Variants in FERMT1 observed in about 807,000 individuals in gnomAD.
FERMT1 encodes fermitin family homolog 1.
In FERMT1, 60 loss-of-function variants were observed where a neutral mutation model predicts 85.3. The ratio of observed to expected loss-of-function variants is 0.70; its 90% confidence interval spans 0.57 to 0.87. FERMT1 has a LOEUF of 0.87. Among genes scored for constraint, FERMT1 ranks in the 40% least tolerant of loss-of-function variants. The probability of loss-of-function intolerance (pLI) is 0.00; values close to 1 mark genes in which losing one functional copy is unlikely to be tolerated. For synonymous variants in FERMT1, 275 were observed against 301.1 expected (o/e 0.91, Z 0.90); for missense variants, 701 against 818.9 (o/e 0.86, Z 1.76).
chr20:6,084,650 A>G (rs942726634), intron 12 of FERMT1, among the ~76,000 whole-genome samples: 2 of 152,058 alleles, frequency 1.3e-5, no homozygotes, highest in African/African-American at 2.4e-5. Context: ...TTTCAGCATC[A>G]ACTGATTTTT....
chr20:6,101,259 A>G (rs908898018), intron 6 of FERMT1, among the ~76,000 whole-genome samples: 1 of 152,230 alleles, frequency 6.6e-6, no homozygotes, highest in African/African-American at 2.4e-5. Context: ...ATCCAGTGTT[A>G]CTGTTCCAAA....
chr20:6,107,671 A>G (rs748288151), intron 5 of FERMT1, 37 bp from the exon 6 acceptor site: 3 of 1,075,890 alleles, frequency 2.8e-6, no homozygotes, highest in Admixed American at 3.4e-5. Context: ...AAGCCAGTCA[A>G]TTTTACATAT....
In FERMT1 at chr20:6,096,782, CTT is replaced by C. The variant is rs202086138; in HGVS notation, c.1089+118_1089+119del. ...TTGAAGCTTGTTAGGTGAAGAGCAT[CTT>C]TTTTTTTTTTTTTTTTTCAAAATCA... is the stretch of plus-strand genomic sequence containing the variant. On this transcript the variant is annotated intron_variant, in intron 8 of 14. Transcript: ENST00000217289. 19,988 of 520,404 alleles carry C rather than the reference CTT, an allele frequency of 0.038. 14 individuals carry two copies. The highest frequency in any genetic ancestry group is 0.063 in the Middle Eastern group (96 of 1,524). The allele number at this position is 520,404 out of a possible 1,614,324, so 32.2% of individuals were successfully genotyped here.
chr20:6,103,394 T>C (rs541760561), intron 6 of FERMT1, among the ~76,000 whole-genome samples: 2 of 152,354 alleles, frequency 1.3e-5, no homozygotes, highest in East Asian at 1.9e-4. Context: ...TATACCTACA[T>C]GTCAGTTTGC....
chr20:6,093,955 CAAAAA>C (rs1207350284), intron 9 of FERMT1: 2 of 151,852 alleles, frequency 1.3e-5, no homozygotes, highest in African/African-American at 4.8e-5. Flanking sequence ...GACTCTGTCT[CAAAAA>C]AAGAAGAAGA....
chr20:6,110,232 G>C, intron 5 of FERMT1, 66 bp downstream of exon 5: 2 of 1,345,074 alleles, frequency 1.5e-6, no homozygotes, highest in Non-Finnish European at 2.1e-6. Flanking sequence ...AAAATGAAAC[G>C]TGACATCCCA....
chr20:6,119,436 C>T lies in FERMT1; in HGVS notation c.119G>A (p.Gly40Glu), dbSNP rs1213603254. Residue 40 changes from glycine (G) to glutamate (E), a missense_variant, in exon 2 of 15, where the codon GGA (glycine) becomes GAA (glutamate). Transcript: ENST00000217289. ...TTCTACTAACTTGAGCATCACTCCT[C>T]CAACATGAAGGTCTCCAGATACTCT... is the stretch of plus-strand genomic sequence containing the variant. ...TLRVSGDLHV[G>E]GVMLKLVEQI... 1.9e-6 allele frequency: 3 copies of T among 1,614,158 alleles called. No individual in the cohort carries two copies. The South Asian group carries it at 3.3e-5, about 18-fold the overall frequency.
intron 1 of FERMT1, among the ~76,000 whole-genome samples, chr20:6,121,089 T>C (rs1983259522): frequency 1.3e-5 from 2 of 152,168 alleles, no homozygotes; most frequent in South Asian, 4.1e-4. Context: ...AGGATGAAAT[T>C]CAAGAGTTCA....
At chr20:6,086,070 A>C (rs1201698810) in intron 11 of FERMT1, among the ~76,000 whole-genome samples, 2 of 151,022 alleles carry the variant, frequency 1.3e-5, no homozygotes, top group Non-Finnish European at 1.5e-5. Flanking sequence ...TGAACCTGGG[A>C]GGTGGAGGTT....
At chr20:6,078,651 T>G (rs564135674) in intron 14 of FERMT1, among the ~76,000 whole-genome samples, 18 of 140,376 alleles carry the variant, frequency 1.3e-4, no homozygotes, top group African/African-American at 1.8e-4. Flanking sequence ...TTTTTGTTTT[T>G]TTTTTTTTTA....
chr20:6,085,002 C>G (rs1982122098), intron 12 of FERMT1, 64 bp downstream of exon 12: 1 of 1,489,300 alleles, frequency 6.7e-7, no homozygotes, highest in African/African-American at 1.4e-5. Context: ...CGGAAATCCT[C>G]CTTTTATTTC....
chr20:6,077,281 A>C lies in FERMT1; in HGVS notation c.1926T>G (p.Ile642Met), dbSNP rs375087018. The C allele has an allele frequency of 1.9e-6, 3 of 1,614,204 alleles. No homozygotes were observed. The highest frequency in any genetic ancestry group is 8.5e-7 in the Non-Finnish European group (1 of 1,180,044). Residue 642 changes from isoleucine to methionine, a missense_variant, in exon 15 of 15, where the codon ATT (isoleucine) becomes ATG (methionine). Coordinates refer to ENST00000217289, the MANE Select transcript of FERMT1 (RefSeq NM_017671.5). Reference protein sequence around the residue: ...AFTCLSADCKIVHEYIGGYIF... With the variant: ...AFTCLSADCKMVHEYIGGYIF... ...TGTAGCCGCCAATGTACTCGTGCAC[A>C]ATCTTGCAATCTGCACTCAGGCAGG...
intron 14 of FERMT1, 55 bp from the exon 15 acceptor site, chr20:6,077,401 A>G: frequency 1.2e-6 from 2 of 1,603,386 alleles, no homozygotes; most frequent in South Asian, 1.1e-5. Context: ...GATGAAAAAA[A>G]AAGTGCTTTG....
intron 9 of FERMT1, among the ~76,000 whole-genome samples, chr20:6,091,289 G>T (rs1190993915): frequency 1.3e-5 from 2 of 151,938 alleles, no homozygotes; most frequent in Non-Finnish European, 2.9e-5. Flanking sequence ...GAGTGCAGTG[G>T]CGCAATCTTG....
At chr20:6,099,127 G>A (rs533305048) in intron 6 of FERMT1, among the ~76,000 whole-genome samples, 1 of 152,324 alleles carries the variant, frequency 6.6e-6, no homozygotes, top group Non-Finnish European at 1.5e-5. Flanking sequence ...TTCTGGCTGG[G>A]CACAGTGGCT....
intron 7 of FERMT1, 139 bp from the exon 8 acceptor site, chr20:6,097,172 G>T: frequency 1.1e-6 from 1 of 891,490 alleles, no homozygotes; most frequent in East Asian, 2.5e-5. Context: ...TCCTTCCCGT[G>T]TGGGGAAAAT....
intron 1 of FERMT1, 62 bp from the exon 2 acceptor site, chr20:6,119,634 A>T (rs1983212025): frequency 1.4e-6 from 2 of 1,408,408 alleles, no homozygotes; most frequent in Non-Finnish European, 9.8e-7. Context: ...TTGTCAGTAG[A>T]CTTGCAGAGC....
chr20:6,077,017 T>C lies in FERMT1; in HGVS notation c.*156A>G. 1.3e-6 allele frequency: 1 copy of C among 755,470 alleles called. No homozygotes were observed. 46.8% of individuals were successfully genotyped at this position (755,470 alleles called of 1,614,324 possible). A position where few individuals can be genotyped will look rare whatever the true frequency, so the allele number is the denominator to read the frequency against. ...ACAGGGCAAAGTAAGGAAAGGGATG[T>C]GCCAGCAGTGGGTTTGAATGAGGAT... On this transcript the variant is annotated 3_prime_UTR_variant, in exon 15 of 15. Transcript: ENST00000217289.
At chr20:6,091,533 G>C (rs1398518231) in intron 9 of FERMT1, among the ~76,000 whole-genome samples, 1 of 152,098 alleles carries the variant, frequency 6.6e-6, no homozygotes, top group Non-Finnish European at 1.5e-5. Flanking sequence ...TGCCCAGGCA[G>C]TTCTAAGGAA....
Sources: gnomAD v4.1 joint callset for allele counts (sites outside exome capture counted in the v4.1 genomes callset) on GRCh38, gnomAD v4.1.1 for gene constraint, MANE v1.5 for transcripts, NCBI Gene and HGNC (gene_info 2026-07-23, HGNC 2026-07-21) for gene names.